SNCAIP: variants seen among roughly 807,000 people sequenced by gnomAD.
SNCAIP encodes the protein synuclein alpha interacting protein, also known as synphilin-1.
In SNCAIP, 43 loss-of-function variants were observed where a neutral mutation model predicts 86.7. That is an observed-to-expected ratio of 0.50 (90% CI 0.39 to 0.64). SNCAIP has a LOEUF of 0.64. Among genes scored for constraint, SNCAIP ranks in the 30% least tolerant of loss-of-function variants. The pLI, the probability that SNCAIP is intolerant of heterozygous loss-of-function variation, is 0.00. For synonymous variants in SNCAIP, 417 were observed against 427.2 expected (o/e 0.98, Z 0.29); for missense variants, 981 against 1,103.1 (o/e 0.89, Z 1.57).
intron 1 of SNCAIP, among the ~76,000 whole-genome samples, chr5:122,361,792 C>T (rs888113464): frequency 7.9e-5 from 12 of 152,152 alleles, no homozygotes; most frequent in African/African-American, 2.9e-4. Flanking sequence ...TTTTTTGATC[C>T]TCTGCTGTCA....
chr5:122,452,980 T>G (rs1784017075), intron 10 of SNCAIP: 1 of 1,547,128 alleles, frequency 6.5e-7, no homozygotes, highest in Non-Finnish European at 8.7e-7. Context: ...GAAGAGCATC[T>G]GTGTAACGAC....
chr5:122,428,083 A>G (rs1023540683), intron 5 of SNCAIP, among the ~76,000 whole-genome samples: 1 of 152,220 alleles, frequency 6.6e-6, no homozygotes, highest in African/African-American at 2.4e-5. Flanking sequence ...TTTCTAAAAC[A>G]GGACAGAAGA....
chr5:122,421,734 T>C (rs1473295874), intron 3 of SNCAIP, among the ~76,000 whole-genome samples: 1 of 152,118 alleles, frequency 6.6e-6, no homozygotes, highest in Non-Finnish European at 1.5e-5. Flanking sequence ...CATAAATCAG[T>C]GGCCTGCAAG....
intron 1 of SNCAIP, among the ~76,000 whole-genome samples, chr5:122,358,243 A>C (rs1379104920): frequency 6.0e-5 from 9 of 150,020 alleles, no homozygotes; most frequent in Admixed American, 4.0e-4. Context: ...TCTAGGGTAC[A>C]TGTGCACAAC....
intron 1 of SNCAIP, among the ~76,000 whole-genome samples, chr5:122,390,812 C>T (rs1769182737): frequency 6.6e-6 from 1 of 152,080 alleles, no homozygotes; most frequent in South Asian, 2.1e-4. Context: ...GAGATTCTGA[C>T]CCAAGTTACT....
chr5:122,444,857 C>T, intron 8 of SNCAIP, 125 bp downstream of exon 8: 1 of 840,354 alleles, frequency 1.2e-6, no homozygotes. Context: ...GCATTCTCCT[C>T]TTCTGTTCTT....
chr5:122,408,805 A>G (rs1418788248), intron 3 of SNCAIP, among the ~76,000 whole-genome samples: 1 of 152,216 alleles, frequency 6.6e-6, no homozygotes, highest in Non-Finnish European at 1.5e-5. Context: ...CCAGCAGTGT[A>G]CCAGGCATTG....
chr5:122,435,839 G>A (rs929177654), intron 6 of SNCAIP, among the ~76,000 whole-genome samples: 6 of 152,116 alleles, frequency 3.9e-5, no homozygotes, highest in African/African-American at 1.4e-4. Context: ...TGCTGTCATA[G>A]GGAAGTAAGT....
intron 4 of SNCAIP, among the ~76,000 whole-genome samples, chr5:122,424,774 A>G (rs1418658542): frequency 6.6e-6 from 1 of 152,210 alleles, no homozygotes; most frequent in Non-Finnish European, 1.5e-5. Flanking sequence ...CAACGAGTTC[A>G]TAGTCAAGGG....
At chr5:122,409,074 G>A (rs1401001133) in intron 3 of SNCAIP, among the ~76,000 whole-genome samples, 1 of 151,440 alleles carries the variant, frequency 6.6e-6, no homozygotes, top group East Asian at 1.9e-4. Context: ...TTAGCAGAAA[G>A]GAAGTTATGT....
rs760972968 is a variant in SNCAIP at position 122,444,748 on chromosome 5, G to T, written c.1592+16G>T. On this transcript the variant is annotated intron_variant, in intron 8 of 10. Coordinates refer to ENST00000261368, the MANE Select transcript of SNCAIP (RefSeq NM_005460.4). ...AGCTAAAGGAGTAAGTGGCCTGTTGGTTCCATGAGAACCAAGTCTAACTCA... is the reference window on the plus strand; with the variant it reads ...AGCTAAAGGAGTAAGTGGCCTGTTGTTTCCATGAGAACCAAGTCTAACTCA... 4.3e-6 allele frequency: 7 copies of T among 1,610,000 alleles called. No homozygotes were observed. The South Asian group carries it at 7.7e-5, about 18-fold the overall frequency.
intron 1 of SNCAIP, among the ~76,000 whole-genome samples, chr5:122,351,824 C>T (rs992827388): frequency 6.6e-6 from 1 of 151,964 alleles, no homozygotes; most frequent in Non-Finnish European, 1.5e-5. Context: ...AGTTTGTATA[C>T]AGTATTTCAG....
intron 1 of SNCAIP, among the ~76,000 whole-genome samples, chr5:122,352,897 A>G (rs2152747368): frequency 1.3e-5 from 2 of 152,326 alleles, no homozygotes; most frequent in East Asian, 3.9e-4. Flanking sequence ...GACTCTGGTG[A>G]ACTTTACCTA....
chr5:122,429,137 C>T (rs537508735), intron 5 of SNCAIP, among the ~76,000 whole-genome samples: 6 of 151,368 alleles, frequency 4.0e-5, no homozygotes, highest in Non-Finnish European at 8.8e-5. Context: ...GAAAATACAA[C>T]ATACCAACAC....
chr5:122,448,751 A>T (rs914912111), intron 8 of SNCAIP, among the ~76,000 whole-genome samples: 5 of 143,420 alleles, frequency 3.5e-5, no homozygotes, highest in African/African-American at 1.3e-4. Context: ...ACACACACAC[A>T]CATACATGTG....
intron 3 of SNCAIP, among the ~76,000 whole-genome samples, chr5:122,411,990 C>G (rs368171957): frequency 6.6e-6 from 1 of 152,174 alleles, no homozygotes; most frequent in Non-Finnish European, 1.5e-5. Flanking sequence ...GTGGGAAACT[C>G]TCTCATGTGG....
intron 1 of SNCAIP, among the ~76,000 whole-genome samples, chr5:122,332,830 A>G (rs550286597): frequency 4.3e-4 from 65 of 152,360 alleles, no homozygotes; most frequent in Admixed American, 5.9e-4. Flanking sequence ...AGAACAAGCA[A>G]TGGGAGAAGC....
Position 122,423,816 on chromosome 5 carries a change from G to T in SNCAIP, c.1002+77G>T, listed in dbSNP as rs1163224471. On this transcript the variant is annotated intron_variant, in intron 4 of 10. Coordinates refer to ENST00000261368, the MANE Select transcript of SNCAIP (RefSeq NM_005460.4). ...TAATAAACTGCATTCGTTAGTAACA[G>T]AACGATGCTGCATTTGTTTTGGTTT... 5 of 1,273,612 alleles carry T rather than the reference G, an allele frequency of 3.9e-6. No individual in the cohort carries two copies. In the African/African-American group the frequency reaches 7.4e-5, roughly 19 times the overall value. 78.9% of individuals were successfully genotyped at this position (1,273,612 alleles called of 1,614,324 possible).
chr5:122,322,627 CTA>C (rs1181537571), intron 1 of SNCAIP, among the ~76,000 whole-genome samples: 1 of 152,154 alleles, frequency 6.6e-6, no homozygotes, highest in East Asian at 1.9e-4. Context: ...CTGTCACACA[CTA>C]TGTTTTAGGA....
Sources: gnomAD v4.1 joint callset for allele counts (sites outside exome capture counted in the v4.1 genomes callset) on GRCh38, gnomAD v4.1.1 for gene constraint, MANE v1.5 for transcripts, NCBI Gene and HGNC (gene_info 2026-07-23, HGNC 2026-07-21) for gene names.